The following NAV3 variants were observed in gnomAD, a reference collection of about 807,000 sequenced individuals.
The protein encoded by NAV3 is pore membrane and/or filament interacting like protein 1.
NAV3 carries 87 observed loss-of-function variants against 244.7 expected under a neutral mutation model. The ratio of observed to expected loss-of-function variants is 0.36; its 90% CI spans 0.30 to 0.42. NAV3 has a LOEUF of 0.42. NAV3 is among the 20% of genes least tolerant of loss of function. The pLI, the probability that NAV3 is intolerant of heterozygous loss-of-function variation, is 1.00. For missense variants in NAV3, 2,663 were observed against 2,893.3 expected (o/e 0.92, Z 1.83); for synonymous variants, 1,126 against 1,042.2 (o/e 1.08, Z -1.55).
chr12:77,947,009 G>T (rs1890411805), intron 3 of NAV3, among the ~76,000 whole-genome samples: 1 of 152,018 alleles, frequency 6.6e-6, no homozygotes, highest in Non-Finnish European at 1.5e-5. Context: ...CTCTTTCTTG[G>T]CTCTGTTTTG....
At chr12:78,044,972 T>C (rs1329864716) in intron 9 of NAV3, among the ~76,000 whole-genome samples, 1 of 152,170 alleles carries the variant, frequency 6.6e-6, no homozygotes, top group Non-Finnish European at 1.5e-5. Context: ...CTATGTTGAA[T>C]AGGAGTGGTG....
At chr12:77,946,239 ATG>A (rs763160031) in intron 3 of NAV3, among the ~76,000 whole-genome samples, 30 of 112,610 alleles carry the variant, frequency 2.7e-4, no homozygotes, top group South Asian at 1.8e-3. Context: ...ATATGTGCGT[ATG>A]TGTGTGTGTG....
At chr12:77,895,906 T>C (rs1884557631) in intron 1 of NAV3, among the ~76,000 whole-genome samples, 1 of 148,712 alleles carries the variant, frequency 6.7e-6, no homozygotes, top group African/African-American at 2.5e-5. Context: ...TCTAATTATA[T>C]TCTAGCCTTT....
At chr12:78,193,716 A>C (rs1370251363) in intron 34 of NAV3, among the ~76,000 whole-genome samples, 3 of 152,142 alleles carry the variant, frequency 2.0e-5, no homozygotes, top group Non-Finnish European at 4.4e-5. Context: ...ATAGGAAAAA[A>C]GTTTATTTAT....
At chr12:78,204,638 A>C (rs1960092320) in intron 38 of NAV3, among the ~76,000 whole-genome samples, 1 of 152,100 alleles carries the variant, frequency 6.6e-6, no homozygotes, top group South Asian at 2.1e-4. Context: ...TCAAATTACT[A>C]GTAAATGTGG....
intron 9 of NAV3, chr12:78,036,469 G>T: frequency 5.9e-6 from 1 of 168,194 alleles, no homozygotes; most frequent in Non-Finnish European, 1.3e-5. Context: ...ACCTCAGCTC[G>T]TGCTTCACCT....
intron 19 of NAV3, among the ~76,000 whole-genome samples, chr12:78,138,671 T>C (rs1418818277): frequency 2.0e-5 from 3 of 152,182 alleles, no homozygotes; most frequent in African/African-American, 7.2e-5. Context: ...CAGATAGGCT[T>C]CTTATAATAC....
chr12:77,956,373 G>A (rs1258194252), intron 3 of NAV3, among the ~76,000 whole-genome samples: 7 of 152,156 alleles, frequency 4.6e-5, no homozygotes, highest in South Asian at 4.1e-4. Context: ...ATTGGTTTAC[G>A]TTTTTCTAGA....
At chr12:77,818,186 A>C (rs1338692834) in intron 2 of NAV3, among the ~76,000 whole-genome samples, 1 of 152,182 alleles carries the variant, frequency 6.6e-6, no homozygotes, top group Non-Finnish European at 1.5e-5. Flanking sequence ...TAAGCCATGC[A>C]ACTGAACTTA....
chr12:77,966,995 T>G (rs1270774), intron 4 of NAV3, among the ~76,000 whole-genome samples: 4 of 152,068 alleles, frequency 2.6e-5, no homozygotes, highest in Non-Finnish European at 5.9e-5. Context: ...AACACTGATA[T>G]TTAAATTTCT....
chr12:77,657,909 C>A (rs1041128987), intron 2 of NAV3, among the ~76,000 whole-genome samples: 24 of 151,616 alleles, frequency 1.6e-4, no homozygotes, highest in Middle Eastern at 3.4e-3. Context: ...ATTCAACAAC[C>A]CTTCATGCTA....
At chr12:77,639,211 T>A (rs142395554) in intron 2 of NAV3, among the ~76,000 whole-genome samples, 1 of 152,286 alleles carries the variant, frequency 6.6e-6, no homozygotes, top group African/African-American at 2.4e-5. Context: ...TTTATCCTCA[T>A]CTTGTATGTT....
At chr12:77,880,411 C>T (rs1315517151) in intron 1 of NAV3, among the ~76,000 whole-genome samples, 1 of 152,038 alleles carries the variant, frequency 6.6e-6, no homozygotes, top group Non-Finnish European at 1.5e-5. Context: ...ATGGATAAAA[C>T]CTGCAAGTAA....
chr12:77,759,715 T>G (rs1399988811), intron 2 of NAV3, among the ~76,000 whole-genome samples: 1 of 152,216 alleles, frequency 6.6e-6, no homozygotes, highest in Admixed American at 6.5e-5. Context: ...CTAACAAATG[T>G]GCAAGTGTTA....
chr12:77,902,733 T>C (rs928140969), intron 1 of NAV3, among the ~76,000 whole-genome samples: 3 of 152,140 alleles, frequency 2.0e-5, no homozygotes, highest in Non-Finnish European at 4.4e-5. Context: ...TGATTGTATA[T>C]CTAGAAAACC....
chr12:77,987,387 C>A (rs529806388), intron 5 of NAV3, among the ~76,000 whole-genome samples: 1 of 152,220 alleles, frequency 6.6e-6, no homozygotes, highest in African/African-American at 2.4e-5. Context: ...TCATATTTGT[C>A]AGTTGGTTGT....
rs563931397 is a variant in NAV3 at position 77,739,943 on chromosome 12, T to C, written c.72+167677T>C. On this transcript the variant is annotated intron_variant, in intron 2 of 8. Transcript: ENST00000550042. ...CACAGTAATTTTTTCGCTATAAATT[T>C]AAATTATTTAAATTGAATTATAATA... is the stretch of plus-strand genomic sequence containing the variant. Among the ~76,000 whole-genome samples, 66 of 152,316 alleles carry C rather than the reference T, an allele frequency of 4.3e-4. No homozygotes were observed. In the South Asian group the frequency reaches 0.012, roughly 28 times the overall value.
intron 2 of NAV3, among the ~76,000 whole-genome samples, chr12:77,697,909 A>G (rs1159692862): frequency 6.6e-6 from 1 of 152,182 alleles, no homozygotes; most frequent in Non-Finnish European, 1.5e-5. Flanking sequence ...GGAATTTATA[A>G]GTTAAAAAGC....
chr12:78,128,035 A>G (rs1403956855), intron 17 of NAV3, among the ~76,000 whole-genome samples: 4 of 152,198 alleles, frequency 2.6e-5, no homozygotes, highest in African/African-American at 7.2e-5. Flanking sequence ...TTACAAAAAG[A>G]AAAAGAATAT....
Sources: gnomAD v4.1 joint callset for allele counts (sites outside exome capture counted in the v4.1 genomes callset) on GRCh38, gnomAD v4.1.1 for gene constraint, MANE v1.5 for transcripts, NCBI Gene and HGNC (gene_info 2026-07-23, HGNC 2026-07-21) for gene names.